CNTN5: variants seen among roughly 807,000 people sequenced by gnomAD.
The protein encoded by CNTN5 is contactin-5.
Under a neutral mutation model 129.1 loss-of-function variants are expected in CNTN5, and 77 were observed. The ratio of observed to expected loss-of-function variants is 0.60; its 90% CI spans 0.50 to 0.72. CNTN5 has a LOEUF of 0.72. CNTN5 is among the 30% of genes least tolerant of loss of function. The probability of loss-of-function intolerance (pLI) is 0.00; values close to 1 mark genes in which losing one functional copy is unlikely to be tolerated. For synonymous variants in CNTN5, 509 were observed against 465.6 expected, an observed-to-expected ratio of 1.09 and a Z score of -1.20; for missense variants, 1,478 against 1,328.8, an observed-to-expected ratio of 1.11 and a Z score of -1.75.
intron 3 of CNTN5, among the ~76,000 whole-genome samples, chr11:99,688,798 C>A (rs1479075760): frequency 6.6e-6 from 1 of 152,074 alleles, no homozygotes; most frequent in East Asian, 1.9e-4. Flanking sequence ...TGTTTTCCCT[C>A]TCTACACGTT....
rs1318274867 is a variant in CNTN5 at position 99,845,120 on chromosome 11, A to G, written c.435A>G (p.Glu145=). The change falls in exon 6 of 25, where the codon GAA becomes GAG. Residue 145 remains glutamate, a synonymous_variant. Coordinates refer to ENST00000524871, the MANE Select transcript of CNTN5 (RefSeq NM_014361.4). ...GAAATGGAACAGAAATAGATCTGGA[A>G]AGTGATTATCGCTACAGTTTGATAG... ...WLRNGTEIDL[E]SDYRYSLIDG... The G allele has an allele frequency of 2.2e-5, 36 of 1,613,612 alleles. No individual in the cohort carries two copies. The highest frequency in any genetic ancestry group is 1.6e-4 in the Middle Eastern group (1 of 6,078).
chr11:100,283,786 A>G (rs1474700412), intron 18 of CNTN5, among the ~76,000 whole-genome samples: 1 of 151,998 alleles, frequency 6.6e-6, no homozygotes, highest in Non-Finnish European at 1.5e-5. Context: ...TCTCTACTGA[A>G]AATACAAAAA....
intron 9 of CNTN5, among the ~76,000 whole-genome samples, chr11:100,047,418 G>GA (rs1386736910): frequency 2.0e-5 from 3 of 152,168 alleles, no homozygotes; most frequent in African/African-American, 4.8e-5. Context: ...CTGCATGCCA[G>GA]AAAAAAATTT....
chr11:99,144,215 C>T (rs984445768), intron 1 of CNTN5, among the ~76,000 whole-genome samples: 1 of 152,056 alleles, frequency 6.6e-6, no homozygotes, highest in Admixed American at 6.6e-5. Flanking sequence ...TTTGCCTAAC[C>T]AAATTGAGAA....
At chr11:99,900,655 A>G (rs1949332756) in intron 6 of CNTN5, among the ~76,000 whole-genome samples, 1 of 152,072 alleles carries the variant, frequency 6.6e-6, no homozygotes, top group African/African-American at 2.4e-5. Flanking sequence ...TATGGATGTC[A>G]TTACATGCAA....
intron 6 of CNTN5, among the ~76,000 whole-genome samples, chr11:99,915,157 T>C (rs1949755111): frequency 6.6e-6 from 1 of 152,100 alleles, no homozygotes; most frequent in Non-Finnish European, 1.5e-5. Context: ...AGTTTATTTA[T>C]AAAAATATTG....
chr11:100,262,279 G>A (rs1357834162), intron 17 of CNTN5, among the ~76,000 whole-genome samples: 1 of 152,202 alleles, frequency 6.6e-6, no homozygotes, highest in African/African-American at 2.4e-5. Context: ...ATCATTAAAA[G>A]TCAGGAAACA....
At chr11:100,151,731 C>A (rs1207878427) in intron 13 of CNTN5, among the ~76,000 whole-genome samples, 1 of 152,148 alleles carries the variant, frequency 6.6e-6, no homozygotes. Flanking sequence ...TGCTTTTCCT[C>A]AGCTCAAAGC....
intron 21 of CNTN5, among the ~76,000 whole-genome samples, chr11:100,339,761 C>T (rs189844378): frequency 1.6e-4 from 24 of 152,228 alleles, no homozygotes; most frequent in African/African-American, 5.5e-4. Context: ...GTTCTAGTGC[C>T]TAAACAGAGT....
intron 2 of CNTN5, among the ~76,000 whole-genome samples, chr11:99,422,869 C>A (rs1280015046): frequency 6.6e-6 from 1 of 151,600 alleles, no homozygotes; most frequent in Admixed American, 6.6e-5. Context: ...CTAATAAGTG[C>A]ATCTTCTAAA....
At chr11:100,149,768 G>A (rs1203493350) in intron 13 of CNTN5, among the ~76,000 whole-genome samples, 2 of 151,786 alleles carry the variant, frequency 1.3e-5, no homozygotes, top group Non-Finnish European at 2.9e-5. Context: ...GGTGGCGGGT[G>A]CCTGTAGTCC....
Position 99,096,860 on chromosome 11 carries a change from T to C in CNTN5, c.-210+75590T>C, listed in dbSNP as rs374437776. On this transcript the variant is annotated intron_variant, in intron 1 of 24. Transcript: ENST00000524871. ...CTTAAGTTTATTATATGACAGGCTTTAGTTTCCTTGCTGATATACTTTGCA... is the reference window on the plus strand; with the variant it reads ...CTTAAGTTTATTATATGACAGGCTTCAGTTTCCTTGCTGATATACTTTGCA... Among the ~76,000 whole-genome samples, 14 of 151,986 alleles carry C rather than the reference T, an allele frequency of 9.2e-5. No individual in the cohort carries two copies. In the South Asian group the frequency reaches 2.9e-3, roughly 31 times the overall value.
At chr11:99,294,347 G>A (rs905447497) in intron 1 of CNTN5, among the ~76,000 whole-genome samples, 3 of 152,154 alleles carry the variant, frequency 2.0e-5, no homozygotes, top group African/African-American at 7.2e-5. Flanking sequence ...AGTGTAAATA[G>A]CTCATTAGCA....
At chr11:100,275,763 G>C (rs1950496573) in intron 18 of CNTN5, among the ~76,000 whole-genome samples, 1 of 152,206 alleles carries the variant, frequency 6.6e-6, no homozygotes, top group Admixed American at 6.5e-5. Context: ...CATGAAAAAT[G>C]CACGAAGTAC....
At chr11:100,054,777 G>A (rs1943128359) in intron 9 of CNTN5, among the ~76,000 whole-genome samples, 1 of 151,702 alleles carries the variant, frequency 6.6e-6, no homozygotes, top group Non-Finnish European at 1.5e-5. Context: ...CTGGAGCTTA[G>A]CAAGGTATAC....
intron 2 of CNTN5, among the ~76,000 whole-genome samples, chr11:99,398,222 G>A (rs1353984541): frequency 6.6e-6 from 1 of 151,790 alleles, no homozygotes; most frequent in East Asian, 1.9e-4. Flanking sequence ...TTTGTTTTGT[G>A]TTTTGCCTTT....
chr11:100,090,387 T>C (rs1460677837), intron 13 of CNTN5, among the ~76,000 whole-genome samples: 1 of 151,946 alleles, frequency 6.6e-6, no homozygotes, highest in Non-Finnish European at 1.5e-5. Context: ...TATTTTCTTT[T>C]TCCCTCTGTC....
At chr11:99,431,900 GTATT>G (rs1022145734) in intron 2 of CNTN5, among the ~76,000 whole-genome samples, 37 of 152,164 alleles carry the variant, frequency 2.4e-4, no homozygotes, top group African/African-American at 8.4e-4. Flanking sequence ...GAGGACTTGA[GTATT>G]TAAAGCAGAA....
intron 1 of CNTN5, among the ~76,000 whole-genome samples, chr11:99,122,234 G>A (rs1442850029): frequency 6.6e-6 from 1 of 151,832 alleles, no homozygotes; most frequent in Non-Finnish European, 1.5e-5. Flanking sequence ...CTTGCTTTAG[G>A]AACAGTTGTC....
Sources: gnomAD v4.1 joint callset for allele counts (sites outside exome capture counted in the v4.1 genomes callset) on GRCh38, gnomAD v4.1.1 for gene constraint, MANE v1.5 for transcripts, NCBI Gene and HGNC (gene_info 2026-07-23, HGNC 2026-07-21) for gene names.